Variants in VASN observed in about 807,000 individuals in gnomAD.
The protein encoded by VASN is protein slit-like 2.
VASN carries 5 observed loss-of-function variants against 4.8 expected under a neutral mutation model. The ratio of observed to expected loss-of-function variants is 1.03; its 90% CI spans 0.54 to 2.17. VASN has a LOEUF of 2.17. Among genes scored for constraint, VASN ranks in the 30% most tolerant of loss-of-function variants. VASN has a pLI of 0.01. For synonymous variants in VASN, 499 were observed against 460.8 expected (o/e 1.08, Z -1.06); for missense variants, 927 against 948.8 (o/e 0.98, Z 0.30).
intron 1 of VASN, among the ~76,000 whole-genome samples, chr16:4,379,797 C>G (rs1175664797): frequency 1.3e-5 from 2 of 150,404 alleles, no homozygotes; most frequent in East Asian, 3.9e-4. Context: ...AATCCCAGCA[C>G]TTTTGGAGGC....
intron 1 of VASN, among the ~76,000 whole-genome samples, chr16:4,372,561 G>C (rs2054574736): frequency 6.6e-6 from 1 of 152,174 alleles, no homozygotes; most frequent in African/African-American, 2.4e-5. Flanking sequence ...AGGGCCCTTA[G>C]AGCTTCGGGT....
intron 1 of VASN, among the ~76,000 whole-genome samples, chr16:4,377,022 C>A (rs964043675): frequency 2.0e-5 from 3 of 152,194 alleles, no homozygotes; most frequent in Non-Finnish European, 2.9e-5. Flanking sequence ...ACCCCAGACA[C>A]AGGCACCACG....
rs763396351 is a variant in VASN, at chr16:4,382,373, G to A, written c.1496G>A (p.Arg499His). The change falls in exon 2 of 2, where the codon CGC becomes CAC. Residue 499 changes from arginine to histidine, a missense_variant. Coordinates refer to ENST00000304735, the MANE Select transcript of VASN (RefSeq NM_138440.3). ...CTCAGGAGCCTCCGTCTCACCTATC[G>A]CAACCTATCGGGCCCTGATAAGCGG... The part of the protein sequence containing the change: ...VQLRSLRLTY[R>H]NLSGPDKRLV... 9.3e-6 allele frequency: 15 copies of A among 1,612,228 alleles called. No homozygotes were observed. The highest frequency in any genetic ancestry group is 1.7e-4 in the Middle Eastern group (1 of 6,060).
Position 4,382,276 on chromosome 16 carries a change from G to A in VASN, c.1399G>A (p.Gly467Ser), listed in dbSNP as rs977816219. 12 of 1,608,804 alleles carry A rather than the reference G, an allele frequency of 7.5e-6. No individual in the cohort carries two copies. Among genetic ancestry groups the A allele is most frequent in the Non-Finnish European group, 1.0e-5 (12 of 1,178,590 alleles). Residue 467 changes from glycine (G) to serine (S), a missense_variant, in exon 2 of 2, where the codon GGC becomes AGC. By Grantham distance (56) the Gly-to-Ser change is moderately conservative. Transcript: ENST00000304735. ...GAGGCCACCACGGTCCCTGACCCTGGGCATCGAGCCGGTGAGCCCCACCTC... is the reference window on the plus strand; with the variant it reads ...GAGGCCACCACGGTCCCTGACCCTGAGCATCGAGCCGGTGAGCCCCACCTC... ...TPRPPRSLTL[G>S]IEPVSPTSLR...
rs762095491 is a variant in VASN, at chr16:4,382,228, C to T, written c.1351C>T (p.Pro451Ser). The T allele has an allele frequency of 1.4e-5, 22 of 1,605,702 alleles. No homozygotes were observed. In the South Asian group the frequency reaches 2.4e-4, roughly 18 times the overall value. The change falls in exon 2 of 2, where the codon CCC becomes TCC. Residue 451 changes from proline (P) to serine (S), a missense_variant. Coordinates refer to ENST00000304735, the MANE Select transcript of VASN (RefSeq NM_138440.3). ...GAGCCAGATGGGGCAGGGGACACGG[C>T]CCAGCCCTACACCAGTCACGCCGAG... Reference protein sequence around the residue: ...CESQMGQGTRPSPTPVTPRPP... With the variant: ...CESQMGQGTRSSPTPVTPRPP...
intron 1 of VASN, among the ~76,000 whole-genome samples, chr16:4,374,299 C>T (rs1409131714): frequency 5.9e-5 from 9 of 152,142 alleles, no homozygotes. Context: ...CGCTTTCCCT[C>T]CGCGCTGGGC....
rs978315512 is a variant in VASN at position 4,381,115 on chromosome 16, C to T, written c.238C>T (p.Leu80Phe). 6.2e-6 allele frequency: 10 copies of T among 1,609,412 alleles called. No individual in the cohort carries two copies. The highest frequency in any genetic ancestry group is 8.5e-6 in the Non-Finnish European group (10 of 1,178,624). ...CTTTGCCGGCCTGCCGGGCCTGCAG[C>T]TCCTGGACCTGTCACAGAACCAGAT... ...GSFAGLPGLQ[L>F]LDLSQNQIAS... Residue 80 changes from leucine to phenylalanine, a missense_variant, in exon 2 of 2, where the codon CTC becomes TTC. Physicochemically the swap from Leu to Phe is conservative, Grantham distance 22. Transcript: ENST00000304735.
At position 4,383,500 on chromosome 16, in the gene VASN, T is replaced by C. The variant is rs2055079998; in HGVS notation, c.*601T>C. 1 of 167,004 alleles carries C rather than the reference T, an allele frequency of 6.0e-6. No homozygotes were observed. Among genetic ancestry groups the C allele is most frequent in the Non-Finnish European group, 1.5e-5 (1 of 68,106 alleles). The allele number at this position is 167,004 out of a possible 1,614,324, so 10.3% of individuals were successfully genotyped here. On this transcript the variant is annotated 3_prime_UTR_variant, in exon 2 of 2. Coordinates refer to ENST00000304735, the MANE Select transcript of VASN (RefSeq NM_138440.3). ...CAAACGATGATATGAAGGCCTTTTG[T>C]AAGAAAAAATAAAAGATGAAGTGTG...
intron 1 of VASN, among the ~76,000 whole-genome samples, chr16:4,379,770 C>T (rs1285772986): frequency 6.6e-6 from 1 of 151,344 alleles, no homozygotes; most frequent in Admixed American, 6.6e-5. Context: ...AAGCCGGGCA[C>T]GGTGGCTCAT....
chr16:4,377,606 T>C (rs952526145), intron 1 of VASN, among the ~76,000 whole-genome samples: 2 of 152,040 alleles, frequency 1.3e-5, no homozygotes, highest in African/African-American at 4.8e-5. Context: ...CTGGCCTCTG[T>C]CCCCTGCCAC....
chr16:4,376,729 G>T (rs1396613578), intron 1 of VASN, among the ~76,000 whole-genome samples: 1 of 152,052 alleles, frequency 6.6e-6, no homozygotes, highest in African/African-American at 2.4e-5. Flanking sequence ...TTACTCATAG[G>T]GCCCCTCCCT....
chr16:4,380,932 C>A lies in VASN; in HGVS notation c.55C>A (p.Pro19Thr). The change falls in exon 2 of 2, where the codon CCT becomes ACT. Residue 19 changes from proline to threonine, a missense_variant. By Grantham distance (38) the Pro-to-Thr change is conservative. Coordinates refer to ENST00000304735, the MANE Select transcript of VASN (RefSeq NM_138440.3). ...LPLLLLLALG[P>T]GVQGCPSGCQ... The stretch of plus-strand genomic sequence containing the variant: ...GCTGCTCCTGCTACTGGCCCTGGGG[C>A]CTGGGGTGCAGGGCTGCCCATCCGG... 6.3e-7 allele frequency: 1 copy of A among 1,588,714 alleles called. No homozygotes were observed. Among genetic ancestry groups the A allele is most frequent in the Non-Finnish European group, 8.5e-7 (1 of 1,171,100 alleles).
intron 1 of VASN, among the ~76,000 whole-genome samples, chr16:4,374,868 C>T (rs981320660): frequency 6.6e-6 from 1 of 152,088 alleles, no homozygotes; most frequent in Non-Finnish European, 1.5e-5. Flanking sequence ...TCCTTGGTGA[C>T]TAAGGTGTTC....
At chr16:4,372,502 G>A (rs1183172392) in intron 1 of VASN, among the ~76,000 whole-genome samples, 3 of 152,212 alleles carry the variant, frequency 2.0e-5, no homozygotes, top group Non-Finnish European at 4.4e-5. Context: ...AGTGGCTGGT[G>A]GGCGTCCGAT....
chr16:4,382,941 G>A lies in VASN; in HGVS notation c.*42G>A. 6.9e-7 allele frequency: 1 copy of A among 1,455,258 alleles called. No homozygotes were observed. Among genetic ancestry groups the A allele is most frequent in the Non-Finnish European group, 9.1e-7 (1 of 1,102,548 alleles). 90.1% of individuals were successfully genotyped at this position (1,455,258 alleles called of 1,614,324 possible). ...GCAGCTGGGGCCGGGCTCTCAGCCA[G>A]TGAGATGGCCAGCCCCCTCCTGCTG... On this transcript the variant is annotated 3_prime_UTR_variant, in exon 2 of 2. Coordinates refer to ENST00000304735, the MANE Select transcript of VASN (RefSeq NM_138440.3).
intron 1 of VASN, among the ~76,000 whole-genome samples, 151 bp downstream of exon 1, chr16:4,372,144 C>G (rs944682549): frequency 1.3e-5 from 2 of 151,830 alleles, no homozygotes; most frequent in Non-Finnish European, 2.9e-5. Flanking sequence ...GGCCGCCCGG[C>G]GGGCAGGCCC....
rs1280784763 is a variant in VASN at position 4,382,374 on chromosome 16, C to G, written c.1497C>G (p.Arg499=). Residue 499 remains arginine, a synonymous_variant, in exon 2 of 2, where the codon CGC becomes CGG. Transcript: ENST00000304735. ...TCAGGAGCCTCCGTCTCACCTATCG[C>G]AACCTATCGGGCCCTGATAAGCGGC... is the stretch of plus-strand genomic sequence containing the variant. ...VQLRSLRLTY[R]NLSGPDKRLV... 1.9e-5 allele frequency: 30 copies of G among 1,612,266 alleles called. No homozygotes were observed. The highest frequency in any genetic ancestry group is 2.5e-5 in the Non-Finnish European group (30 of 1,179,760).
In VASN at chr16:4,382,723, G is replaced by A. The variant is rs2055041386; in HGVS notation, c.1846G>A (p.Gly616Arg). The change falls in exon 2 of 2, where the codon GGG becomes AGG. Residue 616 changes from glycine (G) to arginine (R), a missense_variant. Coordinates refer to ENST00000304735, the MANE Select transcript of VASN (RefSeq NM_138440.3). ...AGCGGCTCAGGACAAAGGGCAGGTG[G>A]GGCCAGGGGCTGGGCCCCTGGAACT... ...AAAAQDKGQV[G>R]PGAGPLELEG... 2.6e-6 allele frequency: 4 copies of A among 1,552,272 alleles called. No individual in the cohort carries two copies. Among genetic ancestry groups the A allele is most frequent in the Middle Eastern group, 1.7e-4 (1 of 5,882 alleles).
Position 4,382,259 on chromosome 16 carries a change from C to T in VASN, c.1382C>T (p.Pro461Leu), listed in dbSNP as rs770770837. The change falls in exon 2 of 2, where the codon CCA becomes CTA. Residue 461 changes from proline (P) to leucine (L), a missense_variant. Coordinates refer to ENST00000304735, the MANE Select transcript of VASN (RefSeq NM_138440.3). ...CCTACACCAGTCACGCCGAGGCCAC[C>T]ACGGTCCCTGACCCTGGGCATCGAG... is the stretch of plus-strand genomic sequence containing the variant. ...PSPTPVTPRP[P>L]RSLTLGIEPV... 1 of 1,608,324 alleles carries T rather than the reference C, an allele frequency of 6.2e-7. No individual in the cohort carries two copies. Among genetic ancestry groups the T allele is most frequent in the Non-Finnish European group, 8.5e-7 (1 of 1,178,512 alleles).
Sources: gnomAD v4.1 joint callset for allele counts (sites outside exome capture counted in the v4.1 genomes callset) on GRCh38, gnomAD v4.1.1 for gene constraint, MANE v1.5 for transcripts, NCBI Gene and HGNC (gene_info 2026-07-23, HGNC 2026-07-21) for gene names.